PLXNC1: variants seen among roughly 807,000 people sequenced by gnomAD.
PLXNC1 encodes plexin-C1.
PLXNC1 carries 75 observed loss-of-function variants against 178.2 expected under a neutral mutation model. That is an observed-to-expected ratio of 0.42 (90% CI 0.35 to 0.51). The LOEUF (loss-of-function observed/expected upper bound fraction) is 0.51, where lower values mean the gene tolerates loss of function less well. Among genes scored for constraint, PLXNC1 ranks in the 20% least tolerant of loss-of-function variants. The pLI is 0.02. For missense variants in PLXNC1, 1,503 were observed against 1,984.4 expected (o/e 0.76, Z 4.61); for synonymous variants, 790 against 779.9 (o/e 1.01, Z -0.22).
chr12:94,258,490 T>A (rs1215697708), intron 17 of PLXNC1, among the ~76,000 whole-genome samples: 1 of 152,240 alleles, frequency 6.6e-6, no homozygotes, highest in Non-Finnish European at 1.5e-5. Context: ...GTTTTGAGTT[T>A]AGAGTCTCAT....
At chr12:94,258,122 G>A (rs1964905624) in intron 17 of PLXNC1, among the ~76,000 whole-genome samples, 1 of 152,100 alleles carries the variant, frequency 6.6e-6, no homozygotes, top group Non-Finnish European at 1.5e-5. Flanking sequence ...GCAAGACTCC[G>A]TCTCAAAAAA....
At chr12:94,246,632 T>A (rs757483221) in intron 12 of PLXNC1, among the ~76,000 whole-genome samples, 7 of 151,990 alleles carry the variant, frequency 4.6e-5, no homozygotes, top group Non-Finnish European at 1.0e-4. Flanking sequence ...GATAATAGGG[T>A]TGGGTGATCC....
At chr12:94,206,570 C>T (rs757263638) in intron 4 of PLXNC1, among the ~76,000 whole-genome samples, 5 of 151,110 alleles carry the variant, frequency 3.3e-5, no homozygotes, top group Non-Finnish European at 5.9e-5. Context: ...AGGCTTGTGT[C>T]TGCCTGCAGG....
At chr12:94,304,213 G>A (rs1324720777) in intron 30 of PLXNC1, 162 bp downstream of exon 30, 7 of 551,184 alleles carry the variant, frequency 1.3e-5, no homozygotes, top group Admixed American at 1.0e-4. Flanking sequence ...GCCAGACCCT[G>A]TACATGGCTG....
Position 94,187,324 on chromosome 12 carries a change from G to T in PLXNC1, c.1439+851G>T, listed in dbSNP as rs560752456. On this transcript the variant is annotated intron_variant, in intron 4 of 30. Coordinates refer to ENST00000258526, the MANE Select transcript of PLXNC1 (RefSeq NM_005761.3). ...GGGGACAGTTTGGGTTTAGAAAAGAGCAGGAGGAAGAGAATTGGTGACTGA... is the reference window on the plus strand; with the variant it reads ...GGGGACAGTTTGGGTTTAGAAAAGATCAGGAGGAAGAGAATTGGTGACTGA... Among the ~76,000 whole-genome samples, 13 of 152,334 alleles carry T rather than the reference G, an allele frequency of 8.5e-5. No individual in the cohort carries two copies. In the South Asian group the frequency reaches 1.5e-3, roughly 17 times the overall value.
intron 1 of PLXNC1, among the ~76,000 whole-genome samples, chr12:94,166,404 G>A (rs758485160): frequency 6.6e-6 from 1 of 152,138 alleles, no homozygotes; most frequent in African/African-American, 2.4e-5. Context: ...GCTAGAAAGT[G>A]ACAGAGCCAG....
chr12:94,259,274 C>A, intron 17 of PLXNC1, 63 bp from the exon 18 acceptor site: 1 of 1,291,078 alleles, frequency 7.7e-7, no homozygotes. Flanking sequence ...GGTATTATAA[C>A]AAAAATACAC....
At chr12:94,297,486 A>T in intron 26 of PLXNC1, 63 bp downstream of exon 26, 2 of 1,116,212 alleles carry the variant, frequency 1.8e-6, no homozygotes, top group South Asian at 2.6e-5. Context: ...TGTTTGACTT[A>T]ATTTCCACTG....
At chr12:94,191,420 A>G (rs1289005843) in intron 4 of PLXNC1, among the ~76,000 whole-genome samples, 1 of 152,196 alleles carries the variant, frequency 6.6e-6, no homozygotes, top group Admixed American at 6.5e-5. Context: ...TCTTGCATAC[A>G]TGTCTAGAAA....
intron 5 of PLXNC1, among the ~76,000 whole-genome samples, chr12:94,216,764 T>G (rs1007292221): frequency 3.0e-4 from 45 of 152,198 alleles, no homozygotes; most frequent in Non-Finnish European, 1.8e-4. Flanking sequence ...AAATAAGATA[T>G]GTCGATCTGA....
In PLXNC1 at chr12:94,303,813, G is replaced by T. The variant is rs1206415321; in HGVS notation, c.4444G>T (p.Val1482Leu). ...GGATATCCCAACCTACAAAGAAGAA[G>T]TAAAATCTTATTACAAAGCAATCAG... ...AKDIPTYKEE[V>L]KSYYKAIRDL... The change falls in exon 29 of 31, where the codon GTA becomes TTA. Residue 1482 changes from valine (V) to leucine (L), a missense_variant. By Grantham distance (32) the Val-to-Leu change is conservative. Transcript: ENST00000258526. 1 of 1,538,164 alleles carries T rather than the reference G, an allele frequency of 6.5e-7. No individual in the cohort carries two copies. Among genetic ancestry groups the T allele is most frequent in the Non-Finnish European group, 8.8e-7 (1 of 1,136,562 alleles).
At position 94,260,146 on chromosome 12, in the gene PLXNC1, G is replaced by C. The variant is rs956800955; in HGVS notation, c.3251+412G>C. Among the ~76,000 whole-genome samples, 1 of 152,010 alleles carries C rather than the reference G, an allele frequency of 6.6e-6. No individual in the cohort carries two copies. Among genetic ancestry groups the C allele is most frequent in the African/African-American group, 2.4e-5 (1 of 41,392 alleles). On this transcript the variant is annotated intron_variant, in intron 19 of 30. Transcript: ENST00000258526. The surrounding 1 kb of genome is among the most constrained non-coding windows in gnomAD (Gnocchi z 4.4). The stretch of plus-strand genomic sequence containing the variant: ...TAGGTCACTGCAGCCTCATCCTCCT[G>C]GGCTCAAGCTACCCTCCTGCCTCAG...
In PLXNC1 at chr12:94,220,158, A is replaced by G. The variant is rs1963754290; in HGVS notation, c.1697A>G (p.Tyr566Cys). The G allele has an allele frequency of 1.2e-6, 2 of 1,613,306 alleles. No individual in the cohort carries two copies. The highest frequency in any genetic ancestry group is 1.7e-6 in the Non-Finnish European group (2 of 1,179,524). The change falls in exon 6 of 31, where the codon TAC (tyrosine) becomes TGC (cysteine). Residue 566 changes from tyrosine to cysteine, a missense_variant. Physicochemically the swap from Tyr to Cys is radical, Grantham distance 194. Transcript: ENST00000258526. ...CTCSIPTRAT[Y>C]KDVSVVNVMF... The stretch of plus-strand genomic sequence containing the variant: ...TGTAGCATCCCAACCAGAGCAACCT[A>G]CAAAGGTATGTGGATTCTTCTGGGT...
intron 4 of PLXNC1, among the ~76,000 whole-genome samples, chr12:94,194,081 T>C (rs941769749): frequency 6.6e-6 from 1 of 151,948 alleles, no homozygotes; most frequent in Non-Finnish European, 1.5e-5. Flanking sequence ...CTTACAATCA[T>C]GGCAGAAGGT....
intron 21 of PLXNC1, chr12:94,277,957 C>T (rs763097590): frequency 1.1e-5 from 5 of 456,062 alleles, no homozygotes; most frequent in South Asian, 7.7e-5. Flanking sequence ...CATCTCTCCC[C>T]TGAGCCCTAG....
intron 7 of PLXNC1, among the ~76,000 whole-genome samples, chr12:94,225,593 G>T (rs182140716): frequency 6.6e-6 from 1 of 152,154 alleles, no homozygotes. Context: ...TTGAAAGAAC[G>T]TAGCTCCCCC....
At chr12:94,285,539 C>T (rs1966787371) in intron 23 of PLXNC1, among the ~76,000 whole-genome samples, 1 of 152,210 alleles carries the variant, frequency 6.6e-6, no homozygotes, top group African/African-American at 2.4e-5. Flanking sequence ...AATCATCTTG[C>T]CAAGAGCAGT....
At chr12:94,262,278 G>A (rs1965010969) in intron 20 of PLXNC1, among the ~76,000 whole-genome samples, 1 of 152,242 alleles carries the variant, frequency 6.6e-6, no homozygotes, top group South Asian at 2.1e-4. Flanking sequence ...CTCAGCCCCG[G>A]TCAGCTGTGT....
At chr12:94,226,807 TGAG>T (rs1316282659) in intron 8 of PLXNC1, 100 bp downstream of exon 8, 9 of 848,506 alleles carry the variant, frequency 1.1e-5, no homozygotes, top group African/African-American at 1.7e-5. Flanking sequence ...GTGGATCAAT[TGAG>T]GTCAGGAGTT....
Sources: allele counts gnomAD v4.1 joint callset (sites outside exome capture counted in the v4.1 genomes callset), GRCh38; gene constraint gnomAD v4.1.1; non-coding constraint Gnocchi (gnomAD v3.1); transcripts MANE v1.5; gene names NCBI Gene and HGNC (gene_info 2026-07-23, HGNC 2026-07-21).